Variants in TMEM260 observed in about 807,000 individuals in gnomAD.
TMEM260 encodes the protein protein O-mannosyl-transferase TMEM260.
In TMEM260, 82 loss-of-function variants were observed where a neutral mutation model predicts 88.9. The observed-to-expected ratio is 0.92, with a 90% CI of 0.77 to 1.11. TMEM260 has a LOEUF of 1.11. Ranked by LOEUF, TMEM260 falls within the 50% of genes least tolerant of loss-of-function variation. TMEM260 has a pLI of 0.00. For synonymous variants in TMEM260, 314 were observed against 309.3 expected, an observed-to-expected ratio of 1.02 and a Z score of -0.16; for missense variants, 902 against 853.4, an observed-to-expected ratio of 1.06 and a Z score of -0.71.
At chr14:56,622,865 T>C (rs1370550383) in intron 11 of TMEM260, among the ~76,000 whole-genome samples, 2 of 152,244 alleles carry the variant, frequency 1.3e-5, no homozygotes, top group Non-Finnish European at 2.9e-5. Context: ...TTTACATTTT[T>C]ATAAGCAGTT....
intron 9 of TMEM260, 101 bp from the exon 10 acceptor site, chr14:56,618,493 A>G: frequency 9.4e-7 from 1 of 1,060,934 alleles, no homozygotes; most frequent in Admixed American, 2.3e-5. Flanking sequence ...CAACAGGCAC[A>G]CACAACTAGG....
rs563542024 is a variant in TMEM260, at chr14:56,636,594, A to G, written c.1865A>G (p.Tyr622Cys). Reference sequence around the variant, plus strand: ...AAAGCTCAACTCTACGCTCAAGCATATGACGTATGTTACACTTTTATATGT... The same window carrying G: ...AAAGCTCAACTCTACGCTCAAGCATGTGACGTATGTTACACTTTTATATGT... ...KVKAQLYAQA[Y>C]DLYKEIVYLQ... Residue 622 changes from tyrosine (Y) to cysteine (C), a missense_variant, in exon 15 of 16, where the codon TAT (tyrosine) becomes TGT (cysteine). Tyr to Cys is a radical substitution (Grantham distance 194). Coordinates refer to ENST00000261556, the MANE Select transcript of TMEM260 (RefSeq NM_017799.4). 2 of 1,613,586 alleles carry G rather than the reference A, an allele frequency of 1.2e-6. No individual in the cohort carries two copies. Among genetic ancestry groups the G allele is most frequent in the South Asian group, 1.1e-5 (1 of 91,072 alleles).
rs75840857 is a variant in TMEM260, at chr14:56,599,549, C to T, written c.345-4266C>T. 5.4e-3 allele frequency among the ~76,000 whole-genome samples: 819 copies of T among 152,220 alleles called. 4 individuals are homozygous for T. The highest frequency in any genetic ancestry group is 9.2e-3 in the Non-Finnish European group (625 of 68,022). ...CCACTAGTTTGTATATGTTACATGG[C>T]AAGTAACTGTTGATTGATTCTGAGT... On this transcript the variant is annotated intron_variant, in intron 3 of 15. Transcript: ENST00000261556.
intron 3 of TMEM260, among the ~76,000 whole-genome samples, chr14:56,598,763 G>A (rs1158132509): frequency 2.0e-5 from 3 of 152,150 alleles, no homozygotes; most frequent in South Asian, 2.1e-4. Context: ...ATGGGGTCAC[G>A]GCTCCTTAGT....
At chr14:56,642,064 C>CTT (rs1036393341) in intron 15 of TMEM260, among the ~76,000 whole-genome samples, 94 of 152,284 alleles carry the variant, frequency 6.2e-4, no homozygotes, top group African/African-American at 2.2e-3. Context: ...TAATGGGAGA[C>CTT]TTTAACACCC....
downstream of TMEM260, among the ~76,000 whole-genome samples, chr14:56,653,897 C>T (rs1890255113): frequency 3.3e-5 from 5 of 152,150 alleles, no homozygotes; most frequent in African/African-American, 1.2e-4. Flanking sequence ...AGCACTGAGA[C>T]TAGGACACAA....
intron 11 of TMEM260, among the ~76,000 whole-genome samples, chr14:56,623,578 G>A (rs1888063190): frequency 6.6e-6 from 1 of 152,174 alleles, no homozygotes; most frequent in Admixed American, 6.5e-5. Context: ...GATTGCATTA[G>A]TGAAAAAGAA....
chr14:56,637,325 A>C (rs988639986), intron 15 of TMEM260, among the ~76,000 whole-genome samples: 2 of 152,198 alleles, frequency 1.3e-5, no homozygotes, highest in South Asian at 2.1e-4. Context: ...TGGCTTGTTG[A>C]GATTTCACGA....
chr14:56,607,371 T>C (rs1886976325), intron 5 of TMEM260, among the ~76,000 whole-genome samples: 2 of 152,222 alleles, frequency 1.3e-5, no homozygotes, highest in South Asian at 2.1e-4. Flanking sequence ...GAGCCTGGAC[T>C]AAGGGCCTGT....
intron 11 of TMEM260, among the ~76,000 whole-genome samples, chr14:56,624,376 C>T (rs562522000): frequency 1.2e-4 from 18 of 152,150 alleles, no homozygotes; most frequent in Non-Finnish European, 1.6e-4. Flanking sequence ...GAGTTCGACA[C>T]CAGCCTGGCC....
chr14:56,641,152 G>A lies in TMEM260; in HGVS notation c.1869+4554G>A, dbSNP rs910399478. Among the ~76,000 whole-genome samples, 54 of 150,986 alleles carry A rather than the reference G, an allele frequency of 3.6e-4. 1 individual carries two copies. Among genetic ancestry groups the A allele is most frequent in the Admixed American group, 9.2e-4 (14 of 15,178 alleles). ...AAGTCAGGCCAGCATTCAAATTCAG[G>A]AAATACAGAGAACACCACAAAGATA... On this transcript the variant is annotated intron_variant, in intron 15 of 15. Transcript: ENST00000261556.
intron 11 of TMEM260, among the ~76,000 whole-genome samples, chr14:56,622,679 T>G (rs991104075): frequency 3.3e-5 from 5 of 152,148 alleles, no homozygotes; most frequent in African/African-American, 4.8e-5. Context: ...AAGAAACCTG[T>G]CTCTGGTGTT....
At chr14:56,639,638 C>T (rs1037308588) in intron 15 of TMEM260, among the ~76,000 whole-genome samples, 17 of 152,032 alleles carry the variant, frequency 1.1e-4, no homozygotes, top group East Asian at 1.9e-4. Flanking sequence ...TGGGGAGTGC[C>T]GGACAGTGGG....
chr14:56,641,212 G>A (rs1485842570), intron 15 of TMEM260, among the ~76,000 whole-genome samples: 2 of 149,298 alleles, frequency 1.3e-5, no homozygotes, highest in African/African-American at 5.1e-5. Flanking sequence ...ACACATGATT[G>A]TCAGATTCAC....
intron 10 of TMEM260, among the ~76,000 whole-genome samples, chr14:56,621,322 G>C (rs980883808): frequency 4.7e-5 from 7 of 149,428 alleles, no homozygotes; most frequent in Non-Finnish European, 1.0e-4. Flanking sequence ...GAAGTAAGCA[G>C]TAGACTGATT....
At chr14:56,657,136 G>A in the TMEM260 span, among the ~76,000 whole-genome samples, 1 of 152,138 alleles carries the variant, frequency 6.6e-6, no homozygotes, top group Non-Finnish European at 1.5e-5. Flanking sequence ...GACAGCTTCT[G>A]CAGGCGCTTG....
chr14:56,638,378 C>G (rs1202870973), intron 15 of TMEM260: 2 of 152,090 alleles, frequency 1.3e-5, no homozygotes, highest in African/African-American at 4.8e-5. Flanking sequence ...CATAATAATC[C>G]TGTTTATCTC....
intron 6 of TMEM260, 52 bp from the exon 7 acceptor site, chr14:56,612,193 T>G (rs939826576): frequency 6.7e-7 from 1 of 1,496,028 alleles, no homozygotes; most frequent in Non-Finnish European, 9.3e-7. Flanking sequence ...AATAGCCTAA[T>G]AAAGCGTCAG....
chr14:56,596,297 TTAAA>T (rs1341588888), intron 3 of TMEM260, among the ~76,000 whole-genome samples: 6 of 151,518 alleles, frequency 4.0e-5, no homozygotes, highest in Non-Finnish European at 1.5e-5. Context: ...AAAGTATGTC[TTAAA>T]TAATATATAT....
Sources: gnomAD v4.1 joint callset for allele counts (sites outside exome capture counted in the v4.1 genomes callset) on GRCh38, gnomAD v4.1.1 for gene constraint, MANE v1.5 for transcripts, NCBI Gene and HGNC (gene_info 2026-07-23, HGNC 2026-07-21) for gene names.